C6orf118: variants seen among roughly 807,000 people sequenced by gnomAD.
C6orf118 encodes uncharacterized protein C6orf118.
Under a neutral mutation model 50.2 loss-of-function variants are expected in C6orf118, and 50 were observed. The ratio of observed to expected loss-of-function variants is 1.00; its 90% CI spans 0.79 to 1.26. C6orf118 has a LOEUF of 1.26. Ranked by LOEUF, C6orf118 falls within the 50% of genes most tolerant of loss-of-function variation. The pLI is 0.00. For synonymous variants in C6orf118, 239 were observed against 230.9 expected, an observed-to-expected ratio of 1.03 and a Z score of -0.32; for missense variants, 641 against 578.7, an observed-to-expected ratio of 1.11 and a Z score of -1.10.
chr6:165,299,495 T>C lies in C6orf118; in HGVS notation c.884A>G (p.Tyr295Cys), dbSNP rs1562332950. 2 of 1,614,104 alleles carry C rather than the reference T, an allele frequency of 1.2e-6. No homozygotes were observed. The highest frequency in any genetic ancestry group is 2.2e-5 in the South Asian group (2 of 91,058). Residue 295 changes from tyrosine (Y) to cysteine (C), a missense_variant, in exon 4 of 9, where the codon TAT becomes TGT. Tyr to Cys is a radical substitution (Grantham distance 194). Transcript: ENST00000230301. ...GDLLKKVKDE[Y>C]ELYMATLLES... ...CAGGAGCGTTGCCATGTAGAGTTCA[T>C]ATTCATCCTGTACAGAAACAAACAA...
chr6:165,301,748 A>T lies in C6orf118; in HGVS notation c.574T>A (p.Ser192Thr). Residue 192 changes from serine to threonine, a missense_variant, in exon 2 of 9, where the codon TCC (serine) becomes ACC (threonine). By Grantham distance (58) the Ser-to-Thr change is moderately conservative (BLOSUM62 1). Coordinates refer to ENST00000230301, the MANE Select transcript of C6orf118 (RefSeq NM_144980.4). ...TGGTGCCGGTCCCTGGTGCCTCTGG[A>T]CCCGGCCTCCTGGTAGCACAGCACC... is the stretch of plus-strand genomic sequence containing the variant. Reference protein sequence around the residue: ...LKVLCYQEAGSRGTRDRHHYV... With the variant: ...LKVLCYQEAGTRGTRDRHHYV... 1 of 1,613,928 alleles carries T rather than the reference A, an allele frequency of 6.2e-7. No individual in the cohort carries two copies. Among genetic ancestry groups the T allele is most frequent in the Non-Finnish European group, 8.5e-7 (1 of 1,179,992 alleles).
intron 1 of C6orf118, among the ~76,000 whole-genome samples, chr6:165,308,621 C>T (rs1340197142): frequency 2.0e-5 from 3 of 152,148 alleles, no homozygotes; most frequent in Non-Finnish European, 1.5e-5. Context: ...AGAGAAAAGA[C>T]AACTCCCCAA....
At chr6:165,286,191 A>G (rs1779897488) in intron 7 of C6orf118, among the ~76,000 whole-genome samples, 1 of 152,202 alleles carries the variant, frequency 6.6e-6, no homozygotes, top group South Asian at 2.1e-4. Context: ...AAATGGATAA[A>G]TTTCTGGACA....
At chr6:165,294,274 A>G (rs567271808) in intron 5 of C6orf118, among the ~76,000 whole-genome samples, 1,784 of 151,280 alleles carry the variant, frequency 0.012, 29 homozygotes, top group Middle Eastern at 0.017. Context: ...AAAACAAAAA[A>G]AAAAAAAGTA....
chr6:165,289,180 A>AAAAAAGAAAAAG (rs915980185), intron 7 of C6orf118, among the ~76,000 whole-genome samples: 2 of 151,518 alleles, frequency 1.3e-5, no homozygotes, highest in Non-Finnish European at 1.5e-5. Flanking sequence ...CCTCCAAAAA[A>AAAAAAGAAAAAG]AAAAAGAAAA....
rs760006970 is a variant in C6orf118, at chr6:165,302,157, G to A, written c.165C>T (p.Asp55=). 32 of 1,612,836 alleles carry A rather than the reference G, an allele frequency of 2.0e-5. No homozygotes were observed. The South Asian group carries it at 3.1e-4, about 15-fold the overall frequency. ...LNRLQKDHRE[D]VYLYISGHLN... ...GGTGTCCAGAGATGTAGAGGTAGAC[G>A]TCCTCCCGGTGGTCTTTCTGAAGCC... The change falls in exon 2 of 9, where the codon GAC becomes GAT. Residue 55 remains aspartate (D), a synonymous_variant. Transcript: ENST00000230301.
intron 5 of C6orf118, among the ~76,000 whole-genome samples, chr6:165,296,116 C>T (rs1304432304): frequency 6.6e-6 from 1 of 152,188 alleles, no homozygotes; most frequent in Non-Finnish European, 1.5e-5. Flanking sequence ...ACAAACAAAG[C>T]TTTGCAGCAG....
Position 165,296,250 on chromosome 6 carries a change from G to GTTTTTTTTTTTTTTTTTTTTTTT in C6orf118, c.1061+1704_1061+1726dup, listed in dbSNP as rs56394079. On this transcript the variant is annotated intron_variant, in intron 5 of 8. Transcript: ENST00000230301. ...GTTGTTGTTGTTGTTTTCGTTTTTT[G>GTTTTTTTTTTTTTTTTTTTTTTT]TTTTTTTTTTTTTTTTTTTTTTTTT... Among the ~76,000 whole-genome samples the GTTTTTTTTTTTTTTTTTTTTTTT allele has an allele frequency of 4.2e-4, 43 of 103,380 alleles. 4 individuals carry two copies. Among genetic ancestry groups the GTTTTTTTTTTTTTTTTTTTTTTT allele is most frequent in the Non-Finnish European group, 5.1e-4 (25 of 48,758 alleles). The allele number at this position is 103,380 out of a possible 152,430, so 67.8% of individuals were successfully genotyped here.
At chr6:165,298,220 T>A (rs1562331854) in intron 4 of C6orf118, 119 bp from the exon 5 acceptor site, 6 of 1,237,732 alleles carry the variant, frequency 4.8e-6, no homozygotes, top group Non-Finnish European at 5.3e-6. Context: ...AAGTTCTAGT[T>A]AAAATAGGTA....
chr6:165,302,232 G>T lies in C6orf118; in HGVS notation c.90C>A (p.Cys30Ter), dbSNP rs763302479. Residue 30 changes from cysteine (C) to a stop codon, truncating the protein, a stop_gained, in exon 2 of 9, where the codon TGC becomes TGA. Transcript: ENST00000230301. LOFTEE classifies it high-confidence loss of function. ...GVKTLCNLKHCETPGVKTLCN... is the reference protein window; with the variant it reads ...GVKTLCNLKH ...ACAGGGTCTTCACTCCTGGCGTCTCGCAGTGCTTCAGATTACACAGGGTCT... is the reference window on the plus strand; with the variant it reads ...ACAGGGTCTTCACTCCTGGCGTCTCTCAGTGCTTCAGATTACACAGGGTCT... The T allele has an allele frequency of 4.3e-6, 7 of 1,613,672 alleles. No homozygotes were observed. In the East Asian group the frequency reaches 6.7e-5, roughly 15 times the overall value.
At position 165,280,122 on chromosome 6, in the gene C6orf118, T is replaced by A; in HGVS notation, c.1357-12A>T. 1 of 1,573,616 alleles carries A rather than the reference T, an allele frequency of 6.4e-7. No individual in the cohort carries two copies. The highest frequency in any genetic ancestry group is 1.1e-5 in the South Asian group (1 of 87,544). On this transcript the variant is annotated splice_polypyrimidine_tract_variant and intron_variant, in intron 8 of 8. Transcript: ENST00000230301. ...ATTTCCAAAGGCCCCTTAAAATACA[T>A]AAGAAATGAATACCATAGGTTAGAA...
chr6:165,303,674 C>G (rs1202190670), intron 1 of C6orf118, among the ~76,000 whole-genome samples: 1 of 83,066 alleles, frequency 1.2e-5, no homozygotes, highest in Non-Finnish European at 2.1e-5. Context: ...AAACTACCAT[C>G]AGAGAATACT....
At chr6:165,296,267 T>G (rs1227415185) in intron 5 of C6orf118, among the ~76,000 whole-genome samples, 27 of 147,260 alleles carry the variant, frequency 1.8e-4, no homozygotes, top group East Asian at 4.0e-4. Flanking sequence ...TTTTTTTTTT[T>G]TTTTTTTTTT....
intron 2 of C6orf118, among the ~76,000 whole-genome samples, chr6:165,300,794 C>G (rs1780500130): frequency 6.6e-6 from 1 of 152,154 alleles, no homozygotes. Flanking sequence ...CTTCCAACCC[C>G]AAGGCCTGGC....
chr6:165,297,605 C>T (rs188144511), intron 5 of C6orf118, among the ~76,000 whole-genome samples: 154 of 152,058 alleles, frequency 1.0e-3, no homozygotes, highest in African/African-American at 3.3e-3. Flanking sequence ...TATTCGACCC[C>T]GGAAAATGAT....
intron 5 of C6orf118, among the ~76,000 whole-genome samples, chr6:165,294,841 C>T (rs1050123979): frequency 6.6e-6 from 1 of 152,106 alleles, no homozygotes; most frequent in African/African-American, 2.4e-5. Flanking sequence ...CATGATCATG[C>T]CACTACACTC....
In C6orf118 at chr6:165,281,622, T is replaced by G; in HGVS notation, c.1356+18A>C. The G allele has an allele frequency of 6.7e-7, 1 of 1,493,158 alleles. No homozygotes were observed. Among genetic ancestry groups the G allele is most frequent in the Non-Finnish European group, 8.9e-7 (1 of 1,117,650 alleles). The allele number at this position is 1,493,158 out of a possible 1,614,324, so 92.5% of individuals were successfully genotyped here. On this transcript the variant is annotated intron_variant, in intron 8 of 8. Transcript: ENST00000230301. The stretch of plus-strand genomic sequence containing the variant: ...AAATATTTTTATTGATAAACATTGA[T>G]TCACACAAAAAACTTACTTTTATTT...
At chr6:165,290,186 T>C (rs1457537093) in intron 6 of C6orf118, 119 bp from the exon 7 acceptor site, 5 of 615,248 alleles carry the variant, frequency 8.1e-6, no homozygotes, top group African/African-American at 3.9e-5. Flanking sequence ...TAAAATATAA[T>C]TCAAACTCGA....
At chr6:165,285,354 G>A (rs986181875) in intron 7 of C6orf118, among the ~76,000 whole-genome samples, 1 of 152,008 alleles carries the variant, frequency 6.6e-6, no homozygotes, top group Non-Finnish European at 1.5e-5. Flanking sequence ...ATAATAGTGG[G>A]AGACTTTAAC....
Sources: allele counts gnomAD v4.1 joint callset (sites outside exome capture counted in the v4.1 genomes callset), GRCh38; gene constraint gnomAD v4.1.1; transcripts MANE v1.5; gene names NCBI Gene and HGNC (gene_info 2026-07-23, HGNC 2026-07-21).